The following TMCC1 variants were observed in gnomAD, a reference collection of about 807,000 sequenced individuals.
The protein encoded by TMCC1 is transmembrane and coiled-coil domain family 1, also known as transmembrane and coiled-coil domains protein 1.
TMCC1 carries 15 observed loss-of-function variants against 52.4 expected under a neutral mutation model. The ratio of observed to expected loss-of-function variants is 0.29; its 90% confidence interval spans 0.19 to 0.44. TMCC1 has a LOEUF of 0.44. TMCC1 is among the 20% of genes least tolerant of loss of function. TMCC1 has a pLI of 1.00. For synonymous variants in TMCC1, 279 were observed against 301.9 expected, an observed-to-expected ratio of 0.92 and a Z score of 0.79; for missense variants, 503 against 806.0, an observed-to-expected ratio of 0.62 and a Z score of 4.55.
chr3:129,784,251 C>T (rs1230723175), intron 4 of TMCC1, among the ~76,000 whole-genome samples: 2 of 151,880 alleles, frequency 1.3e-5, no homozygotes, highest in Non-Finnish European at 2.9e-5. Context: ...AAGTCCTTGT[C>T]ATAAGGTTTA....
rs539493236 is a variant in TMCC1 at position 129,710,818 on chromosome 3, T to C, written c.577-39554A>G. Among the ~76,000 whole-genome samples the C allele has an allele frequency of 5.7e-4, 87 of 152,294 alleles. 1 individual carries two copies. In the South Asian group the frequency reaches 0.011, roughly 19 times the overall value. Reference sequence around the variant, plus strand: ...GTCCAGGATATTTGTGGCCCAAGTCTTTCTCCCACCAAAATTTCAAGAAAT... The same window carrying C: ...GTCCAGGATATTTGTGGCCCAAGTCCTTCTCCCACCAAAATTTCAAGAAAT... On this transcript the variant is annotated intron_variant, in intron 4 of 6. Transcript: ENST00000393238.
At chr3:129,866,871 T>C (rs1346156984) in intron 2 of TMCC1, 3 of 152,236 alleles carry the variant, frequency 2.0e-5, no homozygotes, top group Non-Finnish European at 2.9e-5. Flanking sequence ...AAAGTTCCTG[T>C]TTGAAACTTG....
At chr3:129,763,396 A>G (rs1287631732) in intron 4 of TMCC1, among the ~76,000 whole-genome samples, 2 of 149,090 alleles carry the variant, frequency 1.3e-5, no homozygotes, top group Non-Finnish European at 3.0e-5. Context: ...AATAAAAAAA[A>G]TTAGCCAGGT....
intron 2 of TMCC1, among the ~76,000 whole-genome samples, chr3:129,863,376 T>C (rs2060480998): frequency 6.6e-6 from 1 of 152,146 alleles, no homozygotes; most frequent in African/African-American, 2.4e-5. Context: ...CATGGAGAAG[T>C]AAAGCAGTTT....
At chr3:129,872,399 C>G (rs2060973778) in intron 2 of TMCC1, among the ~76,000 whole-genome samples, 1 of 152,160 alleles carries the variant, frequency 6.6e-6, no homozygotes, top group South Asian at 2.1e-4. Flanking sequence ...AATTCTCAGG[C>G]CCTACTCCAA....
At chr3:129,759,587 T>TC (rs1325698072) in intron 4 of TMCC1, among the ~76,000 whole-genome samples, 9 of 147,948 alleles carry the variant, frequency 6.1e-5, no homozygotes, top group Non-Finnish European at 1.5e-5. Flanking sequence ...TTTTGAGAGT[T>TC]TTTTTTTTTT....
chr3:129,804,285 C>T (rs977544482), intron 4 of TMCC1, among the ~76,000 whole-genome samples: 11 of 152,152 alleles, frequency 7.2e-5, no homozygotes, highest in Non-Finnish European at 1.0e-4. Flanking sequence ...AAATATAATG[C>T]CATGCAAATA....
At chr3:129,723,175 G>A (rs2049768826) in intron 4 of TMCC1, among the ~76,000 whole-genome samples, 1 of 152,108 alleles carries the variant, frequency 6.6e-6, no homozygotes, top group Non-Finnish European at 1.5e-5. Flanking sequence ...TGTGAAAATG[G>A]TGGTTGTGTT....
At chr3:129,684,561 C>A (rs759915245) in intron 4 of TMCC1, among the ~76,000 whole-genome samples, 189 of 152,046 alleles carry the variant, frequency 1.2e-3, no homozygotes, top group Non-Finnish European at 2.2e-3. Context: ...GGACTTACTC[C>A]AGAAGAATGG....
rs538766479 is a variant in TMCC1, at chr3:129,850,588, T to C, written c.-183-17762A>G. Reference sequence around the variant, plus strand: ...CCCCAAGCAAGCTATACAACAGTTTTCCAAACAATAGTTGCCGAGACCAGC... The same window carrying C: ...CCCCAAGCAAGCTATACAACAGTTTCCCAAACAATAGTTGCCGAGACCAGC... On this transcript the variant is annotated intron_variant, in intron 2 of 6. Transcript: ENST00000393238. Among the ~76,000 whole-genome samples the C allele has an allele frequency of 4.9e-4, 75 of 152,326 alleles. 2 individuals carry two copies. In the South Asian group the frequency reaches 0.016, roughly 32 times the overall value.
chr3:129,678,240 AT>A (rs1298405248), intron 4 of TMCC1, among the ~76,000 whole-genome samples: 1 of 150,802 alleles, frequency 6.6e-6, no homozygotes, highest in Non-Finnish European at 1.5e-5. Context: ...TTTTTCTCAT[AT>A]ACCTTATATC....
intron 4 of TMCC1, among the ~76,000 whole-genome samples, chr3:129,706,019 T>G (rs1261457917): frequency 3.3e-5 from 5 of 151,444 alleles, no homozygotes; most frequent in Non-Finnish European, 7.4e-5. Flanking sequence ...GCCTCCCAAG[T>G]AGCTGGGATT....
At chr3:129,856,960 C>G (rs2060170971) in intron 2 of TMCC1, among the ~76,000 whole-genome samples, 1 of 152,102 alleles carries the variant, frequency 6.6e-6, no homozygotes, top group Non-Finnish European at 1.5e-5. Flanking sequence ...GCTCCCTCAC[C>G]CACACTGGGG....
intron 4 of TMCC1, among the ~76,000 whole-genome samples, chr3:129,810,322 G>A (rs1174639034): frequency 1.3e-5 from 2 of 151,454 alleles, no homozygotes; most frequent in Non-Finnish European, 2.9e-5. Context: ...TGCACCACTG[G>A]GCAACAGAGT....
intron 4 of TMCC1, among the ~76,000 whole-genome samples, chr3:129,742,010 T>C (rs1000797928): frequency 2.0e-5 from 3 of 152,138 alleles, no homozygotes; most frequent in Non-Finnish European, 4.4e-5. Flanking sequence ...AATCATTTCC[T>C]CTGTCAAGAT....
chr3:129,778,008 A>C (rs936338369), intron 4 of TMCC1, among the ~76,000 whole-genome samples: 2 of 152,140 alleles, frequency 1.3e-5, no homozygotes, highest in South Asian at 2.1e-4. Flanking sequence ...GTTGTTGCCT[A>C]AACTCTAGTG....
chr3:129,697,060 T>C (rs1018809498), intron 4 of TMCC1, among the ~76,000 whole-genome samples: 1 of 152,188 alleles, frequency 6.6e-6, no homozygotes. Flanking sequence ...GGCCCTCTTC[T>C]AGCAGCTCCA....
At chr3:129,833,502 G>A (rs1237827922) in intron 2 of TMCC1, among the ~76,000 whole-genome samples, 1 of 152,140 alleles carries the variant, frequency 6.6e-6, no homozygotes, top group Non-Finnish European at 1.5e-5. Flanking sequence ...CCCCGGAGCT[G>A]GAGATTACAG....
chr3:129,687,452 C>T (rs2089484420), intron 4 of TMCC1, among the ~76,000 whole-genome samples: 1 of 152,158 alleles, frequency 6.6e-6, no homozygotes, highest in Non-Finnish European at 1.5e-5. Flanking sequence ...GTAAAACATA[C>T]ATTTTAAAGA....
Sources: allele counts gnomAD v4.1 joint callset (sites outside exome capture counted in the v4.1 genomes callset), GRCh38; gene constraint gnomAD v4.1.1; transcripts MANE v1.5; gene names NCBI Gene and HGNC (gene_info 2026-07-23, HGNC 2026-07-21).